PCDH15: variants seen among roughly 807,000 people sequenced by gnomAD.
PCDH15 encodes protocadherin related 15.
Under a neutral mutation model 178.5 loss-of-function variants are expected in PCDH15, and 129 were observed. That is an observed-to-expected ratio of 0.72 (90% CI 0.63 to 0.84). The LOEUF (loss-of-function observed/expected upper bound fraction) is 0.84, where lower values mean the gene tolerates loss of function less well. Ranked by LOEUF, PCDH15 falls within the 40% of genes least tolerant of loss-of-function variation. The pLI, the probability that PCDH15 is intolerant of heterozygous loss-of-function variation, is 0.00. For synonymous variants in PCDH15, 800 were observed against 732.0 expected, an observed-to-expected ratio of 1.09 and a Z score of -1.50; for missense variants, 2,230 against 2,099.9, an observed-to-expected ratio of 1.06 and a Z score of -1.21.
intron 3 of PCDH15, among the ~76,000 whole-genome samples, chr10:54,459,273 T>C (rs1474843670): frequency 6.6e-6 from 1 of 152,128 alleles, no homozygotes; most frequent in African/African-American, 2.4e-5. Flanking sequence ...TTATCTTACT[T>C]GTTTTTATTA....
chr10:54,415,657 G>A (rs1025769123), intron 3 of PCDH15, among the ~76,000 whole-genome samples: 2 of 152,000 alleles, frequency 1.3e-5, no homozygotes, highest in African/African-American at 4.8e-5. Flanking sequence ...ATTATAAAAT[G>A]TATTATTACA....
chr10:55,538,508 T>TC (rs1297011982), intron 2 of PCDH15, among the ~76,000 whole-genome samples: 2 of 104,998 alleles, frequency 1.9e-5, no homozygotes, highest in Admixed American at 9.1e-5. Flanking sequence ...CTTCCTTCCT[T>TC]CTTTCCTTCC....
intron 2 of PCDH15, among the ~76,000 whole-genome samples, chr10:54,616,015 C>T (rs2093133528): frequency 6.6e-6 from 1 of 152,004 alleles, no homozygotes; most frequent in African/African-American, 2.4e-5. Context: ...CTGTAGACAA[C>T]AGCAGGCTCA....
At chr10:54,977,445 C>A (rs1839101640) in intron 2 of PCDH15, among the ~76,000 whole-genome samples, 1 of 152,158 alleles carries the variant, frequency 6.6e-6, no homozygotes, top group Non-Finnish European at 1.5e-5. Context: ...AAAAGACACT[C>A]CTATCAGTGC....
Position 54,757,442 on chromosome 10 carries a change from C to T in PCDH15, c.-29+43483G>A, listed in dbSNP as rs1947303203. The stretch of plus-strand genomic sequence containing the variant: ...GGACTACAGGCGCGCGCCACCATGC[C>T]CGGCTAATTTTTGTATTTTTAGTAG... On this transcript the variant is annotated intron_variant, in intron 1 of 37. Transcript: ENST00000644397. 7.9e-5 allele frequency among the ~76,000 whole-genome samples: 7 copies of T among 88,796 alleles called. 2 individuals carry two copies. The South Asian group carries it at 2.3e-3, about 29-fold the overall frequency. The allele number at this position is 88,796 out of a possible 152,430, so 58.3% of individuals were successfully genotyped here.
chr10:55,470,913 A>C (rs1839942460), intron 2 of PCDH15, among the ~76,000 whole-genome samples: 1 of 151,948 alleles, frequency 6.6e-6, no homozygotes, highest in Non-Finnish European at 1.5e-5. Context: ...GAATCTTAGA[A>C]TATGTAGCTT....
At chr10:54,686,932 T>C (rs965289436) in intron 1 of PCDH15, among the ~76,000 whole-genome samples, 1 of 144,142 alleles carries the variant, frequency 6.9e-6, no homozygotes, top group African/African-American at 2.5e-5. Flanking sequence ...TGTAACTCAA[T>C]AAAGCATGTG....
intron 1 of PCDH15, among the ~76,000 whole-genome samples, chr10:55,185,835 G>A (rs1213335873): frequency 2.6e-5 from 4 of 151,638 alleles, no homozygotes; most frequent in Admixed American, 6.6e-5. Flanking sequence ...GAGGCCCTCT[G>A]CATGGAGGAA....
At chr10:54,565,205 C>A (rs556941150) in intron 2 of PCDH15, among the ~76,000 whole-genome samples, 1 of 152,282 alleles carries the variant, frequency 6.6e-6, no homozygotes. Context: ...ATTCCAACAC[C>A]TTTCCTTTGT....
intron 5 of PCDH15, among the ~76,000 whole-genome samples, chr10:54,354,337 G>A (rs1239579164): frequency 6.6e-6 from 1 of 152,162 alleles, no homozygotes; most frequent in Admixed American, 6.6e-5. Flanking sequence ...TTGTAAAACA[G>A]CTAAAAAATT....
At chr10:55,514,393 G>A (rs1293808815) in intron 2 of PCDH15, among the ~76,000 whole-genome samples, 2 of 152,070 alleles carry the variant, frequency 1.3e-5, no homozygotes, top group Non-Finnish European at 2.9e-5. Flanking sequence ...CTTCCCTTTT[G>A]TTCTCCGAAA....
At chr10:54,674,378 C>T (rs72794513) in intron 1 of PCDH15, among the ~76,000 whole-genome samples, 10,352 of 152,086 alleles carry the variant, frequency 0.068, 484 homozygotes, top group Admixed American at 0.097. Context: ...TTTCATTTCT[C>T]TTTGTACTTT....
rs188574327 is a variant in PCDH15 at position 55,517,073 on chromosome 10, C to A, written c.-156+110552G>T. Among the ~76,000 whole-genome samples, 422 of 151,828 alleles carry A rather than the reference C, an allele frequency of 2.8e-3. 2 individuals are homozygous for A. The highest frequency in any genetic ancestry group is 9.4e-3 in the African/African-American group (388 of 41,418). On this transcript the variant is annotated intron_variant, in intron 2 of 5. Coordinates refer to the PCDH15 transcript ENST00000613346. ...AAAGCTAAATTAACTCACTAAAGAACTACTAAGGGTATTTGAAAAAGATAA... is the reference window on the plus strand; with the variant it reads ...AAAGCTAAATTAACTCACTAAAGAAATACTAAGGGTATTTGAAAAAGATAA...
intron 1 of PCDH15, among the ~76,000 whole-genome samples, chr10:55,274,398 G>T (rs1374041126): frequency 6.6e-6 from 1 of 151,850 alleles, no homozygotes; most frequent in Non-Finnish European, 1.5e-5. Context: ...AAGAGGAAAT[G>T]ATATTTTCTC....
rs117524209 is a variant in PCDH15, at chr10:55,432,294, T to C, written c.-156+195331A>G. ...GTTTGAAAAATGAGGCTGGTGTGGC[T>C]GAGATATGAAGTCATAGATAAATTG... On this transcript the variant is annotated intron_variant, in intron 2 of 5. Coordinates refer to the PCDH15 transcript ENST00000613346. Among the ~76,000 whole-genome samples the C allele has an allele frequency of 1.1e-3, 174 of 152,344 alleles. 6 individuals carry two copies. In the East Asian group the frequency reaches 0.032, roughly 28 times the overall value.
chr10:55,589,044 G>C (rs2132129124), intron 2 of PCDH15, among the ~76,000 whole-genome samples: 1 of 136,048 alleles, frequency 7.4e-6, no homozygotes, highest in African/African-American at 2.8e-5. Flanking sequence ...TCCCACCAAT[G>C]CACTTCAGCC....
In PCDH15 at chr10:53,940,980, A is replaced by G. The variant is rs1193370256; in HGVS notation, c.3123-5T>C. ...AGTTCACTTACTGGAGGAGGTCTGC[A>G]GGTTTAGAGAAGATGATGTATTTAT... On this transcript the variant is annotated splice_region_variant and splice_polypyrimidine_tract_variant and intron_variant, in intron 23 of 37. Coordinates refer to ENST00000644397, the MANE Select transcript of PCDH15 (RefSeq NM_001384140.1). 6.4e-7 allele frequency: 1 copy of G among 1,567,168 alleles called. No individual in the cohort carries two copies. Among genetic ancestry groups the G allele is most frequent in the Admixed American group, 1.7e-5 (1 of 59,912 alleles).
intron 3 of PCDH15, among the ~76,000 whole-genome samples, chr10:54,880,753 A>G (rs971604189): frequency 1.4e-4 from 21 of 149,288 alleles, no homozygotes; most frequent in African/African-American, 3.5e-4. Context: ...ACATTTCCAC[A>G]TAAGGAATGA....
intron 18 of PCDH15, among the ~76,000 whole-genome samples, chr10:54,051,010 T>C (rs1170418660): frequency 2.6e-5 from 4 of 152,224 alleles, no homozygotes; most frequent in Non-Finnish European, 4.4e-5. Context: ...CCTGCTATCA[T>C]GTGAAGAAGG....
Sources: allele counts gnomAD v4.1 joint callset (sites outside exome capture counted in the v4.1 genomes callset), GRCh38; gene constraint gnomAD v4.1.1; transcripts MANE v1.5; gene names NCBI Gene and HGNC (gene_info 2026-07-23, HGNC 2026-07-21).